The following COL12A1 variants were observed in gnomAD, a reference collection of about 807,000 sequenced individuals.
COL12A1 encodes collagen type XII alpha 1 chain.
In COL12A1, 114 loss-of-function variants were observed where a neutral mutation model predicts 349.7. The observed-to-expected ratio is 0.33, with a 90% CI of 0.28 to 0.38. The LOEUF (loss-of-function observed/expected upper bound fraction) is 0.38, where lower values mean the gene tolerates loss of function less well. Among genes scored for constraint, COL12A1 ranks in the 10% least tolerant of loss-of-function variants. The pLI, the probability that COL12A1 is intolerant of heterozygous loss-of-function variation, is 1.00. For missense variants in COL12A1, 3,284 were observed against 3,756.9 expected (o/e 0.87, Z 3.29); for synonymous variants, 1,369 against 1,329.0 (o/e 1.03, Z -0.66).
chr6:75,097,835 T>G (rs1202153795), intron 58 of COL12A1, among the ~76,000 whole-genome samples: 3 of 152,292 alleles, frequency 2.0e-5, no homozygotes, highest in Admixed American at 2.0e-4. Context: ...TAGAAATTCA[T>G]TTTTCCCTTT....
rs780955667 is a variant in COL12A1, at chr6:75,184,113, C to T, written c.1029G>A (p.Met343Ile). 6.2e-6 allele frequency: 10 copies of T among 1,613,746 alleles called. No individual in the cohort carries two copies. Among genetic ancestry groups the T allele is most frequent in the Non-Finnish European group, 8.5e-6 (10 of 1,179,872 alleles). The part of the protein sequence containing the change: ...VVEPPSNLIA[M>I]EVSSKYVKLN... ...GCTTAACATATTTTGAAGAGACTTC[C>T]ATGGCAATCAAATTTGAAGGAGGCT... Residue 343 changes from methionine to isoleucine, a missense_variant, in exon 9 of 66, where the codon ATG (methionine) becomes ATA (isoleucine). By Grantham distance (10) the Met-to-Ile change is conservative. Around this residue, in one of 2 missense-constraint regions of COL12A1, gnomAD observed 2,601 missense variants for 2,824.8 expected, o/e 0.92. Transcript: ENST00000322507.
chr6:75,138,722 A>G (rs944242980), intron 28 of COL12A1, 100 bp downstream of exon 28: 1 of 1,547,206 alleles, frequency 6.5e-7, no homozygotes, highest in Non-Finnish European at 8.8e-7. Flanking sequence ...ATGTCAATAA[A>G]TGCTTATTGA....
chr6:75,145,972 C>G, intron 24 of COL12A1, 130 bp downstream of exon 24: 1 of 1,057,138 alleles, frequency 9.5e-7, no homozygotes, highest in East Asian at 2.6e-5. Context: ...AGACCACAAA[C>G]CTACTTTTCT....
chr6:75,158,893 C>A (rs1215143416), intron 14 of COL12A1, among the ~76,000 whole-genome samples: 1 of 151,800 alleles, frequency 6.6e-6, no homozygotes, highest in East Asian at 1.9e-4. Flanking sequence ...TTCAAGCAGA[C>A]TAACATATGT....
intron 49 of COL12A1, 151 bp downstream of exon 49, chr6:75,115,633 T>C: frequency 1.0e-6 from 1 of 977,686 alleles, no homozygotes; most frequent in Non-Finnish European, 1.5e-6. Flanking sequence ...TGGAAACAAT[T>C]AGCCTAACTG....
chr6:75,103,845 A>G, intron 54 of COL12A1, 35 bp from the exon 55 acceptor site: 1 of 1,522,636 alleles, frequency 6.6e-7, no homozygotes, highest in Non-Finnish European at 8.9e-7. Flanking sequence ...GTGTGAACAT[A>G]GGAAAATAGG....
At chr6:75,198,558 G>C (rs1770353292) in intron 2 of COL12A1, among the ~76,000 whole-genome samples, 1 of 151,724 alleles carries the variant, frequency 6.6e-6, no homozygotes, top group South Asian at 2.1e-4. Flanking sequence ...TTCAGATATA[G>C]ATGAAATTTG....
chr6:75,089,170 C>A lies in COL12A1; in HGVS notation c.8946G>T (p.Leu2982Phe), dbSNP rs1767642437. ...TACCCCTTTCACCTTTCTCTCCTGGCAAACCTAAGGAGGGAGAAAAAGAGA... is the reference window on the plus strand; with the variant it reads ...TACCCCTTTCACCTTTCTCTCCTGGAAAACCTAAGGAGGGAGAAAAAGAGA... Reference protein sequence around the residue: ...GMQGPPGERGLPGEKGERGTG... With the variant: ...GMQGPPGERGFPGEKGERGTG... The change falls in exon 64 of 66, where the codon TTG (leucine) becomes TTT (phenylalanine). Residue 2982 changes from leucine (L) to phenylalanine (F), a missense_variant. Coordinates refer to ENST00000322507, the MANE Select transcript of COL12A1 (RefSeq NM_004370.6). 1.2e-6 allele frequency: 2 copies of A among 1,608,436 alleles called. No homozygotes were observed. Among genetic ancestry groups the A allele is most frequent in the Admixed American group, 1.7e-5 (1 of 58,306 alleles).
At chr6:75,130,395 T>G (rs1203073692) in intron 36 of COL12A1, among the ~76,000 whole-genome samples, 162 bp from the exon 37 acceptor site, 1 of 152,182 alleles carries the variant, frequency 6.6e-6, no homozygotes, top group Non-Finnish European at 1.5e-5. Flanking sequence ...TCATAAACAG[T>G]GTATTTCAGA....
At chr6:75,195,546 G>A (rs568191279) in intron 2 of COL12A1, among the ~76,000 whole-genome samples, 5 of 152,136 alleles carry the variant, frequency 3.3e-5, no homozygotes, top group African/African-American at 1.2e-4. Flanking sequence ...AAGGAATCAT[G>A]GGAAAGTTAT....
intron 23 of COL12A1, 164 bp from the exon 24 acceptor site, chr6:75,146,408 C>A: frequency 1.5e-6 from 1 of 661,978 alleles, no homozygotes; most frequent in Non-Finnish European, 2.2e-6. Flanking sequence ...CCAAAAAATC[C>A]AATTTACATT....
chr6:75,107,069 T>C (rs954152402), intron 52 of COL12A1, among the ~76,000 whole-genome samples: 1 of 151,458 alleles, frequency 6.6e-6, no homozygotes, highest in African/African-American at 2.4e-5. Flanking sequence ...GCCCAGCTAA[T>C]TTTTTTGTAT....
At chr6:75,134,110 C>T in intron 32 of COL12A1, 113 bp from the exon 33 acceptor site, 3 of 1,209,334 alleles carry the variant, frequency 2.5e-6, no homozygotes, top group Non-Finnish European at 3.5e-6. Flanking sequence ...ACCGCACAAA[C>T]ATTTGTTGAA....
chr6:75,105,104 C>A, intron 54 of COL12A1, 102 bp downstream of exon 54: 1 of 936,150 alleles, frequency 1.1e-6, no homozygotes, highest in Non-Finnish European at 1.6e-6. Context: ...TCCTAGAAAA[C>A]CTGGATGAAT....
At chr6:75,167,580 C>T (rs1360548886) in intron 13 of COL12A1, among the ~76,000 whole-genome samples, 1 of 152,176 alleles carries the variant, frequency 6.6e-6, no homozygotes, top group African/African-American at 2.4e-5. Context: ...TTTCTTTCTA[C>T]AGCACTAAAT....
At chr6:75,202,669 C>T in intron 2 of COL12A1, 51 bp downstream of exon 2, 1 of 1,512,694 alleles carries the variant, frequency 6.6e-7, no homozygotes, top group Non-Finnish European at 9.0e-7. Flanking sequence ...GTGTTTTTTC[C>T]TTTCTCGAAT....
At chr6:75,133,778 T>C (rs538618544) in intron 33 of COL12A1, 80 bp downstream of exon 33, 1 of 1,530,738 alleles carries the variant, frequency 6.5e-7, no homozygotes, top group African/African-American at 1.4e-5. Flanking sequence ...AGCAAACTGG[T>C]TAACTCCTTC....
intron 8 of COL12A1, among the ~76,000 whole-genome samples, chr6:75,185,066 A>G (rs997662967): frequency 1.3e-5 from 2 of 152,218 alleles, no homozygotes; most frequent in Non-Finnish European, 2.9e-5. Context: ...CCAGCACAAG[A>G]TGAGGTTGCC....
chr6:75,088,437 C>T (rs1339282452), intron 64 of COL12A1, among the ~76,000 whole-genome samples: 1 of 148,060 alleles, frequency 6.8e-6, no homozygotes, highest in African/African-American at 2.5e-5. Context: ...GAAATATAAC[C>T]ATCTTTAAAG....
Sources: gnomAD v4.1 joint callset for allele counts (sites outside exome capture counted in the v4.1 genomes callset) on GRCh38, gnomAD v4.1.1 for gene constraint, gnomAD v4.1.1 regional missense constraint, MANE v1.5 for transcripts, NCBI Gene and HGNC (gene_info 2026-07-23, HGNC 2026-07-21) for gene names.